The following CTNNA2 variants were observed in gnomAD, a reference collection of about 807,000 sequenced individuals.
The protein encoded by CTNNA2 is catenin alpha 2, also known as catenin alpha-2.
CTNNA2 carries 42 observed loss-of-function variants against 101.0 expected under a neutral mutation model. The ratio of observed to expected loss-of-function variants is 0.42; its 90% CI spans 0.32 to 0.54. The LOEUF is 0.54. Among genes scored for constraint, CTNNA2 ranks in the 20% least tolerant of loss-of-function variants. The pLI, the probability that CTNNA2 is intolerant of heterozygous loss-of-function variation, is 0.14. For missense variants in CTNNA2, 871 were observed against 1,223.1 expected, an observed-to-expected ratio of 0.71 and a Z score of 4.29; for synonymous variants, 450 against 456.4, an observed-to-expected ratio of 0.99 and a Z score of 0.18.
intron 7 of CTNNA2, among the ~76,000 whole-genome samples, chr2:79,932,225 C>T (rs1468089616): frequency 2.0e-5 from 3 of 152,100 alleles, no homozygotes; most frequent in Non-Finnish European, 4.4e-5. Context: ...ACCTCCAGAG[C>T]CCTCCCTTTC....
At chr2:79,218,800 C>T (rs1294994241) in intron 2 of CTNNA2, among the ~76,000 whole-genome samples, 1 of 152,094 alleles carries the variant, frequency 6.6e-6, no homozygotes, top group Non-Finnish European at 1.5e-5. Flanking sequence ...AAGTGAATTA[C>T]CAGAATCTTT....
At chr2:79,974,724 G>A (rs1167234597) in intron 7 of CTNNA2, among the ~76,000 whole-genome samples, 1 of 152,134 alleles carries the variant, frequency 6.6e-6, no homozygotes, top group East Asian at 1.9e-4. Flanking sequence ...CATTATTGGG[G>A]AGCTTAAATT....
At chr2:79,820,356 T>C (rs961058190) in intron 3 of CTNNA2, among the ~76,000 whole-genome samples, 4 of 152,202 alleles carry the variant, frequency 2.6e-5, no homozygotes, top group Non-Finnish European at 5.9e-5. Flanking sequence ...CCCAATTCTC[T>C]AGTAGCACTC....
chr2:79,302,677 C>G (rs548975767), intron 2 of CTNNA2, among the ~76,000 whole-genome samples: 7 of 152,226 alleles, frequency 4.6e-5, no homozygotes, highest in Non-Finnish European at 8.8e-5. Context: ...CAAATTAGAT[C>G]TAGATTTTCT....
At chr2:79,380,058 C>T (rs1678021928) in intron 4 of CTNNA2, among the ~76,000 whole-genome samples, 1 of 152,090 alleles carries the variant, frequency 6.6e-6, no homozygotes, top group Non-Finnish European at 1.5e-5. Flanking sequence ...TTTATTGTAC[C>T]ACTTTCTTCT....
At chr2:80,564,238 T>G (rs999420034) in intron 12 of CTNNA2, among the ~76,000 whole-genome samples, 2 of 152,246 alleles carry the variant, frequency 1.3e-5, no homozygotes, top group African/African-American at 4.8e-5. Context: ...AGACTGTATT[T>G]ATTAAGCTAG....
At chr2:79,201,177 T>C (rs947795894) in intron 2 of CTNNA2, among the ~76,000 whole-genome samples, 2 of 152,034 alleles carry the variant, frequency 1.3e-5, no homozygotes, top group South Asian at 2.1e-4. Context: ...TCAAGTCAGA[T>C]AGAGCTGGTC....
intron 6 of CTNNA2, among the ~76,000 whole-genome samples, chr2:79,904,621 A>C (rs1462115924): frequency 6.6e-6 from 1 of 152,148 alleles, no homozygotes; most frequent in Non-Finnish European, 1.5e-5. Context: ...TGACCATGGG[A>C]CAACATCTCT....
At chr2:80,071,478 C>A (rs1247264164) in intron 7 of CTNNA2, among the ~76,000 whole-genome samples, 2 of 152,100 alleles carry the variant, frequency 1.3e-5, no homozygotes, top group East Asian at 3.9e-4. Context: ...TCATTGTTGC[C>A]CACTACAAAG....
intron 17 of CTNNA2, among the ~76,000 whole-genome samples, chr2:80,612,011 G>C (rs536702302): frequency 2.6e-5 from 4 of 151,692 alleles, no homozygotes; most frequent in Non-Finnish European, 5.9e-5. Flanking sequence ...TGGAGGTGAG[G>C]AATGCTAGTT....
intron 7 of CTNNA2, among the ~76,000 whole-genome samples, chr2:80,198,654 A>T (rs73938231): frequency 0.015 from 2,331 of 152,312 alleles, 69 homozygotes; most frequent in African/African-American, 0.052. Context: ...ACAAGACAGA[A>T]CAGTATATTC....
chr2:80,306,400 T>TTTTCTTTCTTTCTTTCTTTCTTTCTTTC (rs58501778), intron 7 of CTNNA2, among the ~76,000 whole-genome samples: 1 of 109,200 alleles, frequency 9.2e-6, no homozygotes, highest in Non-Finnish European at 1.8e-5. Context: ...TTTTCTTTTC[T>TTTTCTTTCTTTCTTTCTTTCTTTCTTTC]TTTCTTTCTT....
chr2:79,873,432 C>T (rs563556041), intron 5 of CTNNA2, among the ~76,000 whole-genome samples: 3 of 152,020 alleles, frequency 2.0e-5, no homozygotes, highest in Admixed American at 6.6e-5. Context: ...GAAATATATG[C>T]TCAAAAAATA....
chr2:79,583,673 T>C (rs1247750410), intron 1 of CTNNA2, among the ~76,000 whole-genome samples: 2 of 152,180 alleles, frequency 1.3e-5, no homozygotes, highest in African/African-American at 4.8e-5. Context: ...TTGCTCTACA[T>C]CTTTGCCAGT....
At chr2:79,510,103 T>C (rs1671502837), upstream of CTNNA2, among the ~76,000 whole-genome samples, 1 of 152,220 alleles carries the variant, frequency 6.6e-6, no homozygotes, top group Non-Finnish European at 1.5e-5. Flanking sequence ...TGTCATTTGA[T>C]TGCACATTAA....
intron 4 of CTNNA2, among the ~76,000 whole-genome samples, chr2:79,392,108 A>T (rs78260103): frequency 2.0e-4 from 31 of 152,320 alleles, no homozygotes; most frequent in Admixed American, 1.2e-3. Context: ...GAGCTCCAAC[A>T]TATGAATTTT....
At chr2:79,994,247 C>T (rs1012478101) in intron 7 of CTNNA2, among the ~76,000 whole-genome samples, 8 of 152,170 alleles carry the variant, frequency 5.3e-5, no homozygotes, top group African/African-American at 1.9e-4. Context: ...AAAAGCACCT[C>T]ATGTTCCTTA....
chr2:79,386,733 G>A (rs1399781486), intron 4 of CTNNA2, among the ~76,000 whole-genome samples: 1 of 152,058 alleles, frequency 6.6e-6, no homozygotes, highest in Non-Finnish European at 1.5e-5. Context: ...TAAATGTATT[G>A]TAAATAATTC....
intron 9 of CTNNA2, among the ~76,000 whole-genome samples, chr2:80,531,401 G>T (rs1478282565): frequency 1.3e-5 from 2 of 152,184 alleles, no homozygotes; most frequent in Non-Finnish European, 2.9e-5. Flanking sequence ...TAAGGAAGTG[G>T]ATATCCAAGA....
Sources: gnomAD v4.1 joint callset for allele counts (sites outside exome capture counted in the v4.1 genomes callset) on GRCh38, gnomAD v4.1.1 for gene constraint, MANE v1.5 for transcripts, NCBI Gene and HGNC (gene_info 2026-07-23, HGNC 2026-07-21) for gene names.